LDB2: variants seen among roughly 807,000 people sequenced by gnomAD.
The protein encoded by LDB2 is LIM domain binding 2.
A neutral mutation model predicts 44.3 loss-of-function variants in LDB2; 12 were observed. That is an observed-to-expected ratio of 0.27 (90% CI 0.17 to 0.44). LDB2 has a LOEUF of 0.44. Ranked by LOEUF, LDB2 falls within the 20% of genes least tolerant of loss-of-function variation. LDB2 has a pLI of 1.00. For missense variants in LDB2, 344 were observed against 473.5 expected (o/e 0.73, Z 2.54); for synonymous variants, 164 against 174.8 (o/e 0.94, Z 0.49).
Position 16,549,917 on chromosome 4 carries a change from C to G in LDB2, c.615+36005G>C, listed in dbSNP as rs570720875. Among the ~76,000 whole-genome samples, 13 of 152,268 alleles carry G rather than the reference C, an allele frequency of 8.5e-5. No homozygotes were observed. The East Asian group carries it at 1.2e-3, about 14-fold the overall frequency. The stretch of plus-strand genomic sequence containing the variant: ...GCTCTAGTAGGAGGTCTGAAGGCAA[C>G]CAAAAATTCAAGTGGTGTGCAAGTC... On this transcript the variant is annotated intron_variant, in intron 5 of 7. Transcript: ENST00000304523.
chr4:16,612,328 T>C lies in LDB2; in HGVS notation c.236-16453A>G, dbSNP rs1725890235. Reference sequence around the variant, plus strand: ...AGCTAGAGAGGCAAGAGCAAACTAATCCAACAGCTAGCAGAAGACAAGAAA... The same window carrying C: ...AGCTAGAGAGGCAAGAGCAAACTAACCCAACAGCTAGCAGAAGACAAGAAA... On this transcript the variant is annotated intron_variant, in intron 2 of 7. Transcript: ENST00000304523. Among the ~76,000 whole-genome samples, 3 of 151,518 alleles carry C rather than the reference T, an allele frequency of 2.0e-5. No homozygotes were observed. In the South Asian group the frequency reaches 6.3e-4, roughly 32 times the overall value.
chr4:16,749,784 A>G (rs929492639), intron 2 of LDB2, among the ~76,000 whole-genome samples: 9 of 151,962 alleles, frequency 5.9e-5, no homozygotes, highest in Admixed American at 4.6e-4. Flanking sequence ...CATTTGTGCT[A>G]TTTACCAGCA....
At chr4:16,887,406 T>G (rs1324988003) in intron 1 of LDB2, among the ~76,000 whole-genome samples, 1 of 152,168 alleles carries the variant, frequency 6.6e-6, no homozygotes, top group Non-Finnish European at 1.5e-5. Context: ...TTGGGACTAG[T>G]AGGTTCCATC....
At chr4:16,749,614 C>G (rs2086687876) in intron 2 of LDB2, among the ~76,000 whole-genome samples, 1 of 148,696 alleles carries the variant, frequency 6.7e-6, no homozygotes, top group South Asian at 2.2e-4. Context: ...ATATGAGTCT[C>G]AAGTCCTTGT....
At chr4:16,840,503 A>G (rs1431456860) in intron 1 of LDB2, among the ~76,000 whole-genome samples, 1 of 152,196 alleles carries the variant, frequency 6.6e-6, no homozygotes, top group Non-Finnish European at 1.5e-5. Flanking sequence ...GGAAAAGGTG[A>G]AAGAGGGAAG....
At chr4:16,606,072 C>G (rs141567805) in intron 2 of LDB2, among the ~76,000 whole-genome samples, 8 of 152,274 alleles carry the variant, frequency 5.3e-5, no homozygotes, top group African/African-American at 1.9e-4. Flanking sequence ...CCTAGCTCAC[C>G]TTTTTATCAA....
At chr4:16,520,906 C>A (rs1275873368) in intron 5 of LDB2, among the ~76,000 whole-genome samples, 1 of 152,168 alleles carries the variant, frequency 6.6e-6, no homozygotes, top group South Asian at 2.1e-4. Flanking sequence ...ACCTCTGATT[C>A]TACAGCCATA....
chr4:16,723,024 A>C (rs1758636421), intron 2 of LDB2, among the ~76,000 whole-genome samples: 1 of 152,164 alleles, frequency 6.6e-6, no homozygotes, highest in Non-Finnish European at 1.5e-5. Context: ...AGTGTACTCA[A>C]CTTATGATGG....
chr4:16,577,397 A>G (rs942380782), intron 5 of LDB2, among the ~76,000 whole-genome samples: 10 of 152,214 alleles, frequency 6.6e-5, no homozygotes, highest in Non-Finnish European at 1.2e-4. Context: ...TACAAAATCA[A>G]TATAAAAGTC....
intron 5 of LDB2, among the ~76,000 whole-genome samples, chr4:16,584,654 A>G (rs1419404347): frequency 3.9e-5 from 6 of 152,214 alleles, no homozygotes; most frequent in Non-Finnish European, 7.3e-5. Context: ...AAACCCATAC[A>G]TGATTTCCTT....
At chr4:16,800,891 G>A (rs1024885374) in intron 1 of LDB2, among the ~76,000 whole-genome samples, 19 of 152,154 alleles carry the variant, frequency 1.2e-4, no homozygotes, top group Non-Finnish European at 2.2e-4. Context: ...TAGCCAGGAT[G>A]GTCTCGATCT....
At chr4:16,800,846 T>G (rs1777671786) in intron 1 of LDB2, among the ~76,000 whole-genome samples, 1 of 152,120 alleles carries the variant, frequency 6.6e-6, no homozygotes, top group South Asian at 2.1e-4. Flanking sequence ...CGGCTAACTT[T>G]TTGTATTTTT....
At chr4:16,771,223 T>C (rs1770587733) in intron 1 of LDB2, among the ~76,000 whole-genome samples, 1 of 152,092 alleles carries the variant, frequency 6.6e-6, no homozygotes, top group African/African-American at 2.4e-5. Flanking sequence ...CTCAAGATTT[T>C]CTCTCTTCCT....
intron 2 of LDB2, among the ~76,000 whole-genome samples, chr4:16,631,515 A>G (rs556597033): frequency 6.6e-6 from 1 of 152,332 alleles, no homozygotes; most frequent in South Asian, 2.1e-4. Context: ...TAACATCACA[A>G]TTAAAAGAAC....
chr4:16,830,169 G>C (rs1307287678), intron 1 of LDB2, among the ~76,000 whole-genome samples: 1 of 152,098 alleles, frequency 6.6e-6, no homozygotes, highest in African/African-American at 2.4e-5. Flanking sequence ...ATATGGTTTG[G>C]CTCTGTCTCC....
intron 1 of LDB2, among the ~76,000 whole-genome samples, chr4:16,805,517 T>G (rs1440727061): frequency 1.3e-5 from 2 of 152,140 alleles, no homozygotes; most frequent in African/African-American, 4.8e-5. Flanking sequence ...TGGAGAACAA[T>G]GCACAGGCTC....
intron 1 of LDB2, among the ~76,000 whole-genome samples, chr4:16,797,506 T>C (rs1776961646): frequency 6.6e-6 from 1 of 152,166 alleles, no homozygotes; most frequent in Non-Finnish European, 1.5e-5. Flanking sequence ...AAATGATGTC[T>C]TTACTATCTG....
At chr4:16,534,620 A>G (rs2152310330) in intron 5 of LDB2, among the ~76,000 whole-genome samples, 1 of 152,366 alleles carries the variant, frequency 6.6e-6, no homozygotes, top group Non-Finnish European at 1.5e-5. Flanking sequence ...ACTATGTATT[A>G]TCATTTAAAA....
intron 2 of LDB2, among the ~76,000 whole-genome samples, chr4:16,608,342 G>A (rs757952220): frequency 7.2e-5 from 11 of 152,238 alleles, no homozygotes; most frequent in Non-Finnish European, 8.8e-5. Flanking sequence ...GAGTCCACAG[G>A]GGGCTGTGCT....
Sources: allele counts gnomAD v4.1 joint callset (sites outside exome capture counted in the v4.1 genomes callset), GRCh38; gene constraint gnomAD v4.1.1; transcripts MANE v1.5; gene names NCBI Gene and HGNC (gene_info 2026-07-23, HGNC 2026-07-21).